The following CDK12 variants were observed in gnomAD, a reference collection of about 807,000 sequenced individuals.
The protein encoded by CDK12 is cyclin dependent kinase 12.
CDK12 carries 17 observed loss-of-function variants against 133.8 expected under a neutral mutation model. The observed-to-expected ratio is 0.13, with a 90% confidence interval of 0.09 to 0.19. CDK12 has a LOEUF of 0.19. Ranked by LOEUF, CDK12 falls within the 10% of genes least tolerant of loss-of-function variation. The pLI is 1.00. For missense variants in CDK12, 1,508 were observed against 1,818.7 expected (o/e 0.83, Z 3.11); for synonymous variants, 694 against 683.6 (o/e 1.02, Z -0.24).
intron 11 of CDK12, among the ~76,000 whole-genome samples, chr17:39,520,898 A>C (rs1567774588): frequency 6.6e-6 from 1 of 151,788 alleles, no homozygotes. Context: ...CCCAGGCTGG[A>C]GTACAATGGC....
In CDK12 at chr17:39,506,318, C is replaced by T. The variant is rs961209527; in HGVS notation, c.2610-3387C>T. 6.0e-5 allele frequency among the ~76,000 whole-genome samples: 9 copies of T among 150,996 alleles called. No homozygotes were observed. In the East Asian group the frequency reaches 1.8e-3, roughly 29 times the overall value. On this transcript the variant is annotated intron_variant, in intron 6 of 13. Coordinates refer to ENST00000447079, the MANE Select transcript of CDK12 (RefSeq NM_016507.4). Reference sequence around the variant, plus strand: ...GCAACCTCTGCCTCCCGGTTCAAGCCCTTCTCCTGCCTCAGCCTTCCGAGT... The same window carrying T: ...GCAACCTCTGCCTCCCGGTTCAAGCTCTTCTCCTGCCTCAGCCTTCCGAGT...
intron 11 of CDK12, among the ~76,000 whole-genome samples, chr17:39,520,878 G>A (rs916322849): frequency 2.6e-5 from 4 of 151,836 alleles, no homozygotes; most frequent in Non-Finnish European, 4.4e-5. Context: ...ATGGAGTTTC[G>A]CTCTTGTTCC....
At chr17:39,476,000 T>G (rs144759233) in intron 2 of CDK12, among the ~76,000 whole-genome samples, 1 of 152,126 alleles carries the variant, frequency 6.6e-6, no homozygotes, top group East Asian at 1.9e-4. Context: ...CCTTTAGCTA[T>G]AGGAACCTCA....
chr17:39,510,534 C>G (rs2053433000), intron 7 of CDK12, among the ~76,000 whole-genome samples: 1 of 152,098 alleles, frequency 6.6e-6, no homozygotes, highest in Admixed American at 6.6e-5. Context: ...CAAATTTTAT[C>G]TAAATTCTTG....
rs2053762399 is a variant in CDK12 at position 39,515,764 on chromosome 17, T to C, written c.2802T>C (p.Pro934=). The C allele has an allele frequency of 2.5e-6, 4 of 1,613,460 alleles. No homozygotes were observed. The highest frequency in any genetic ancestry group is 1.7e-5 in the Admixed American group (1 of 59,972). Residue 934 remains proline, a synonymous_variant, in exon 9 of 14, where the codon CCT becomes CCC. Coordinates refer to ENST00000447079, the MANE Select transcript of CDK12 (RefSeq NM_016507.4). ...TTGGGGAACTATTCACAAAGAAGCC[T>C]ATTTTTCAAGCCAATCTGGAACTGG... ...CILGELFTKK[P]IFQANLELAQ... is the part of the protein sequence containing the mutation.
chr17:39,461,964 T>A lies in CDK12; in HGVS notation c.-108T>A, dbSNP rs2048988674. 2.3e-5 allele frequency: 17 copies of A among 747,382 alleles called. No individual in the cohort carries two copies. In the East Asian group the frequency reaches 6.7e-4, roughly 29 times the overall value. The allele number at this position is 747,382 out of a possible 1,614,324, so 46.3% of individuals were successfully genotyped here. A position where few individuals can be genotyped will look rare whatever the true frequency, so the allele number is the denominator to read the frequency against. On this transcript the variant is annotated 5_prime_UTR_variant, in exon 1 of 14. Coordinates refer to ENST00000447079, the MANE Select transcript of CDK12 (RefSeq NM_016507.4). ...ACCGTCCCTGCCCTCCCCACCCCCTTCCCGGGGCGCTTTGGTGGGCGTGGA... is the reference window on the plus strand; with the variant it reads ...ACCGTCCCTGCCCTCCCCACCCCCTACCCGGGGCGCTTTGGTGGGCGTGGA...
chr17:39,497,880 C>T (rs1042071097), intron 5 of CDK12, among the ~76,000 whole-genome samples: 2 of 152,100 alleles, frequency 1.3e-5, no homozygotes, highest in East Asian at 1.9e-4. Flanking sequence ...GCTGGGATTA[C>T]GAACTTGGGC....
At chr17:39,548,698 C>T (rs1463575723), upstream of CDK12, among the ~76,000 whole-genome samples, 1 of 152,178 alleles carries the variant, frequency 6.6e-6, no homozygotes, top group East Asian at 1.9e-4. Flanking sequence ...TGTCAGAAAG[C>T]TGGATAGGAG....
chr17:39,474,922 C>T (rs1344721894), intron 2 of CDK12, among the ~76,000 whole-genome samples: 3 of 151,520 alleles, frequency 2.0e-5, no homozygotes, highest in Admixed American at 2.0e-4. Flanking sequence ...CAGCCTCTGC[C>T]TCCTGGGTTC....
In CDK12 at chr17:39,539,744, C is replaced by T. The variant is rs112918543; in HGVS notation, c.451-4505C>T. ...ATAAAACTATTATAATAAGAGGAAA[C>T]CAAAGGAAAGAAATAATCGGAGAAA... is the stretch of plus-strand genomic sequence containing the variant. On this transcript the variant is annotated intron_variant and NMD_transcript_variant, in intron 1 of 4. Coordinates refer to the CDK12 transcript ENST00000559663. Among the ~76,000 whole-genome samples the T allele has an allele frequency of 3.4e-3, 512 of 151,894 alleles. 1 individual carries two copies. Among genetic ancestry groups the T allele is most frequent in the Non-Finnish European group, 5.5e-3 (376 of 67,938 alleles).
In CDK12 at chr17:39,471,149, T is replaced by C. The variant is rs896872943; in HGVS notation, c.1317T>C (p.Asp439=). 6.3e-7 allele frequency: 1 copy of C among 1,588,062 alleles called. No individual in the cohort carries two copies. The highest frequency in any genetic ancestry group is 1.4e-5 in the African/African-American group (1 of 73,300). ...RKENSSVEAK[D]SGLESKKLPR... is the part of the protein sequence containing the mutation. ...AGAACAGTTCAGTAGAGGCTAAGGA[T>C]TCAGGTTTGGAGTCTAAAAAGTTAC... The change falls in exon 2 of 14, where the codon GAT becomes GAC. Residue 439 remains aspartate (D), a synonymous_variant. Coordinates refer to ENST00000447079, the MANE Select transcript of CDK12 (RefSeq NM_016507.4).
At chr17:39,529,307 A>G (rs913708390) in intron 13 of CDK12, among the ~76,000 whole-genome samples, 5 of 152,196 alleles carry the variant, frequency 3.3e-5, no homozygotes, top group Non-Finnish European at 7.3e-5. Context: ...AGGGAATACA[A>G]ACTTAATTAC....
At chr17:39,513,629 A>G (rs2053621586) in intron 8 of CDK12, among the ~76,000 whole-genome samples, 1 of 152,196 alleles carries the variant, frequency 6.6e-6, no homozygotes, top group African/African-American at 2.4e-5. Flanking sequence ...AGCAGTAGCA[A>G]AGTGTTGATT....
chr17:39,522,458 G>T (rs1478047617), intron 11 of CDK12, among the ~76,000 whole-genome samples: 1 of 151,364 alleles, frequency 6.6e-6, no homozygotes, highest in African/African-American at 2.4e-5. Context: ...TCTGAGACAG[G>T]GTCTCTCACT....
chr17:39,481,329 CTTTT>C (rs569177170), intron 2 of CDK12, among the ~76,000 whole-genome samples: 2 of 135,502 alleles, frequency 1.5e-5, no homozygotes, highest in African/African-American at 2.7e-5. Context: ...TCTTCTTTCT[CTTTT>C]TTTTTTTTTT....
Position 39,534,471 on chromosome 17 carries a change from T to C in CDK12, c.*3155T>C, listed in dbSNP as rs2055041797. On this transcript the variant is annotated 3_prime_UTR_variant, in exon 14 of 14. Coordinates refer to ENST00000447079, the MANE Select transcript of CDK12 (RefSeq NM_016507.4). ...GTCTATGTACAGATATTTTGTAATA[T>C]ATTAAATTTTTTTCTTTCAGTTTAT... The C allele has an allele frequency of 4.3e-6, 1 of 232,504 alleles. No individual in the cohort carries two copies. The highest frequency in any genetic ancestry group is 2.2e-5 in the African/African-American group (1 of 45,318). 14.4% of individuals were successfully genotyped at this position (232,504 alleles called of 1,614,324 possible). A position where few individuals can be genotyped will look rare whatever the true frequency, so the allele number is the denominator to read the frequency against.
At chr17:39,549,475 A>T (rs1310698087), upstream of CDK12, 2 of 152,162 alleles carry the variant, frequency 1.3e-5, no homozygotes, top group African/African-American at 4.8e-5. Context: ...TGCATATTTT[A>T]TCCTATCTGA....
At chr17:39,545,575 T>G (rs1256150758), upstream of CDK12, among the ~76,000 whole-genome samples, 1 of 147,280 alleles carries the variant, frequency 6.8e-6, no homozygotes, top group African/African-American at 2.5e-5. Flanking sequence ...CTCAGCTCAC[T>G]GCAGCCTCTG....
chr17:39,486,812 G>A (rs534628189), intron 2 of CDK12, among the ~76,000 whole-genome samples: 25 of 152,082 alleles, frequency 1.6e-4, no homozygotes, highest in African/African-American at 4.8e-4. Flanking sequence ...TTCGAGTCCA[G>A]CCTGGCCAAT....
Sources: gnomAD v4.1 joint callset for allele counts (sites outside exome capture counted in the v4.1 genomes callset) on GRCh38, gnomAD v4.1.1 for gene constraint, MANE v1.5 for transcripts, NCBI Gene and HGNC (gene_info 2026-07-23, HGNC 2026-07-21) for gene names.